Variants in RALA observed in about 807,000 individuals in gnomAD.
The protein encoded by RALA is ras-related protein Ral-A.
A neutral mutation model predicts 24.0 loss-of-function variants in RALA; 5 were observed. The observed-to-expected ratio is 0.21, with a 90% CI of 0.11 to 0.44. RALA has a LOEUF of 0.44. RALA is among the 20% of genes least tolerant of loss of function. RALA has a pLI of 0.99. For synonymous variants in RALA, 77 were observed against 83.8 expected (o/e 0.92, Z 0.44); for missense variants, 95 against 241.2 (o/e 0.39, Z 4.01).
At chr7:39,686,930 A>C in intron 2 of RALA, 149 bp downstream of exon 2, 1 of 513,208 alleles carries the variant, frequency 1.9e-6, no homozygotes, top group Non-Finnish European at 3.3e-6. Flanking sequence ...CCATCTGTAC[A>C]TAACTTGATT....
At chr7:39,657,345 A>G (rs548360897) in intron 1 of RALA, among the ~76,000 whole-genome samples, 12 of 152,172 alleles carry the variant, frequency 7.9e-5, no homozygotes, top group Non-Finnish European at 1.2e-4. Context: ...ATTTCCTCAT[A>G]TAAAAAATGA....
intron 1 of RALA, among the ~76,000 whole-genome samples, chr7:39,680,980 A>G (rs1293506458): frequency 1.3e-5 from 2 of 152,190 alleles, no homozygotes; most frequent in Non-Finnish European, 2.9e-5. Context: ...GCCGGCATCT[A>G]TACCCCTATT....
intron 1 of RALA, among the ~76,000 whole-genome samples, chr7:39,655,010 A>G (rs1057309580): frequency 6.6e-6 from 1 of 152,196 alleles, no homozygotes; most frequent in Non-Finnish European, 1.5e-5. Context: ...TGGCCTCCCA[A>G]AATGCTGGGA....
At chr7:39,649,386 A>G (rs1161807550) in intron 1 of RALA, among the ~76,000 whole-genome samples, 1 of 152,192 alleles carries the variant, frequency 6.6e-6, no homozygotes, top group African/African-American at 2.4e-5. Flanking sequence ...TCATGTTGAA[A>G]CTTAATCCTT....
chr7:39,696,777 T>C lies in RALA; in HGVS notation c.416T>C (p.Val139Ala), dbSNP rs144758382. The change falls in exon 4 of 5, where the codon GTA (valine) becomes GCA (alanine). Residue 139 changes from valine to alanine, a missense_variant. Physicochemically the swap from Val to Ala is moderately conservative, Grantham distance 64. Coordinates refer to ENST00000005257, the MANE Select transcript of RALA (RefSeq NM_005402.4). ...TTAGAAGATAAAAGACAGGTTTCTG[T>C]AGAAGAGGCAAAAAACAGAGCTGAG... is the stretch of plus-strand genomic sequence containing the variant. Reference protein sequence around the residue: ...SDLEDKRQVSVEEAKNRAEQW... With the variant: ...SDLEDKRQVSAEEAKNRAEQW... 1.9e-6 allele frequency: 3 copies of C among 1,613,588 alleles called. No homozygotes were observed. The highest frequency in any genetic ancestry group is 2.7e-5 in the African/African-American group (2 of 74,926).
chr7:39,648,671 G>T (rs1791970178), intron 1 of RALA, among the ~76,000 whole-genome samples: 1 of 152,130 alleles, frequency 6.6e-6, no homozygotes, highest in African/African-American at 2.4e-5. Context: ...TTTATTCCCA[G>T]TGATATGAGA....
At chr7:39,701,171 C>T (rs561304239) in intron 4 of RALA, among the ~76,000 whole-genome samples, 20 of 152,292 alleles carry the variant, frequency 1.3e-4, no homozygotes, top group African/African-American at 4.8e-4. Flanking sequence ...CTGGGTCTGG[C>T]CAACTCTGGC....
intron 3 of RALA, among the ~76,000 whole-genome samples, chr7:39,694,451 A>G (rs977647763): frequency 1.3e-5 from 2 of 152,182 alleles, no homozygotes; most frequent in Non-Finnish European, 2.9e-5. Flanking sequence ...TGGATTTCTC[A>G]GTCCTGGTTC....
intron 1 of RALA, among the ~76,000 whole-genome samples, chr7:39,668,254 C>T (rs1792317825): frequency 6.6e-6 from 1 of 152,200 alleles, no homozygotes; most frequent in Non-Finnish European, 1.5e-5. Context: ...TGCTAAAGTA[C>T]AGCACTTTAA....
At chr7:39,669,417 C>T (rs1033092027) in intron 1 of RALA, among the ~76,000 whole-genome samples, 3 of 152,146 alleles carry the variant, frequency 2.0e-5, no homozygotes, top group African/African-American at 7.2e-5. Context: ...AGCAGCTATA[C>T]AAAGAGAGCC....
chr7:39,640,750 A>T (rs1399943838), intron 1 of RALA, among the ~76,000 whole-genome samples: 3 of 152,194 alleles, frequency 2.0e-5, no homozygotes, highest in African/African-American at 4.8e-5. Flanking sequence ...AAGAATAGTC[A>T]CCTTCATCTT....
chr7:39,697,966 T>TGTGC (rs1033389964), intron 4 of RALA, among the ~76,000 whole-genome samples: 2 of 136,588 alleles, frequency 1.5e-5, no homozygotes, highest in Non-Finnish European at 3.3e-5. Context: ...TGTGTGTGTG[T>TGTGC]GTGTGTGTAT....
At chr7:39,662,303 A>G (rs936120705) in intron 1 of RALA, among the ~76,000 whole-genome samples, 3 of 152,106 alleles carry the variant, frequency 2.0e-5, no homozygotes, top group Non-Finnish European at 4.4e-5. Context: ...TGTCTTGGTG[A>G]TTAACATTTG....
chr7:39,670,711 TA>T (rs998444767), intron 1 of RALA, among the ~76,000 whole-genome samples: 2 of 152,214 alleles, frequency 1.3e-5, no homozygotes, highest in Admixed American at 6.5e-5. Flanking sequence ...ATGAGTCTTT[TA>T]TTTCCTTTTC....
At chr7:39,701,706 A>C (rs1793030483) in intron 4 of RALA, among the ~76,000 whole-genome samples, 1 of 152,200 alleles carries the variant, frequency 6.6e-6, no homozygotes, top group Non-Finnish European at 1.5e-5. Flanking sequence ...CGTTATCCTC[A>C]TCTGGAGTCC....
chr7:39,674,103 G>T (rs114791876), intron 1 of RALA, among the ~76,000 whole-genome samples: 1 of 151,724 alleles, frequency 6.6e-6, no homozygotes. Flanking sequence ...TTGAGGGGGG[G>T]TGGTCTTACT....
At chr7:39,690,181 CCTCT>C (rs570093464) in intron 2 of RALA, among the ~76,000 whole-genome samples, 197 bp from the exon 3 acceptor site, 130 of 152,194 alleles carry the variant, frequency 8.5e-4, no homozygotes, top group Non-Finnish European at 1.4e-3. Flanking sequence ...ATAACTCAGC[CCTCT>C]CTGTTTGCAA....
intron 2 of RALA, among the ~76,000 whole-genome samples, chr7:39,689,096 TC>T: frequency 6.6e-6 from 1 of 152,184 alleles, no homozygotes; most frequent in South Asian, 2.1e-4. Context: ...TCCAGTCACC[TC>T]CCACCTGATC....
At chr7:39,654,580 G>A (rs1451902748) in intron 1 of RALA, among the ~76,000 whole-genome samples, 1 of 151,982 alleles carries the variant, frequency 6.6e-6, no homozygotes, top group Non-Finnish European at 1.5e-5. Flanking sequence ...CATAGATTTT[G>A]CATTTGACAT....
Sources: gnomAD v4.1 joint callset for allele counts (sites outside exome capture counted in the v4.1 genomes callset) on GRCh38, gnomAD v4.1.1 for gene constraint, MANE v1.5 for transcripts, NCBI Gene and HGNC (gene_info 2026-07-23, HGNC 2026-07-21) for gene names.